The following SLC26A5 variants were observed in gnomAD, a reference collection of about 807,000 sequenced individuals.
SLC26A5 encodes prestin.
Under a neutral mutation model 81.0 loss-of-function variants are expected in SLC26A5, and 51 were observed. The ratio of observed to expected loss-of-function variants is 0.63; its 90% confidence interval spans 0.50 to 0.80. The LOEUF (loss-of-function observed/expected upper bound fraction) is 0.80. SLC26A5 is among the 30% of genes least tolerant of loss of function. SLC26A5 has a pLI of 0.00. For synonymous variants in SLC26A5, 325 were observed against 332.8 expected (o/e 0.98, Z 0.25); for missense variants, 771 against 905.8 (o/e 0.85, Z 1.91).
chr7:103,430,746 G>A (rs1075737), intron 2 of SLC26A5, among the ~76,000 whole-genome samples: 34,165 of 152,128 alleles, frequency 0.22, 4,226 homozygotes, highest in East Asian at 0.44. Flanking sequence ...GGTAGAAATC[G>A]TGCTTTGGGT....
At chr7:103,374,670 T>G in intron 19 of SLC26A5, 78 bp from the exon 20 acceptor site, 1 of 1,252,700 alleles carries the variant, frequency 8.0e-7, no homozygotes, top group Non-Finnish European at 1.1e-6. Flanking sequence ...AACACTTCCA[T>G]ATAGTGTTTT....
chr7:103,376,675 A>G (rs1247184535), intron 19 of SLC26A5, 133 bp downstream of exon 19: 1 of 703,720 alleles, frequency 1.4e-6, no homozygotes, highest in South Asian at 2.0e-5. Context: ...CTGGCTTTAG[A>G]GTGATTTTTC....
downstream of SLC26A5, among the ~76,000 whole-genome samples, chr7:103,370,860 G>A (rs150407814): frequency 6.6e-6 from 1 of 152,292 alleles, no homozygotes; most frequent in Non-Finnish European, 1.5e-5. Context: ...TTCTTTATGG[G>A]ACCTTCTTCA....
At chr7:103,385,427 T>C (rs181849066) in intron 14 of SLC26A5, among the ~76,000 whole-genome samples, 3 of 152,010 alleles carry the variant, frequency 2.0e-5, no homozygotes, top group Non-Finnish European at 4.4e-5. Context: ...CGGGCCATGA[T>C]TGTCTCTTAA....
intron 2 of SLC26A5, among the ~76,000 whole-genome samples, chr7:103,436,224 C>T (rs928342667): frequency 6.6e-6 from 1 of 151,942 alleles, no homozygotes. Flanking sequence ...TTTCTGTTAT[C>T]GTCTCAGGAA....
intron 14 of SLC26A5, among the ~76,000 whole-genome samples, chr7:103,381,219 C>T (rs1401359799): frequency 1.3e-5 from 2 of 151,414 alleles, no homozygotes; most frequent in African/African-American, 4.9e-5. Flanking sequence ...CACACATATA[C>T]ACACTCCCAC....
intron 19 of SLC26A5, chr7:103,355,694 G>T: frequency 6.2e-7 from 1 of 1,609,930 alleles, no homozygotes. Flanking sequence ...CTCTATGTAG[G>T]TATTAAAGAA....
In SLC26A5 at chr7:103,357,286, AC is replaced by A. The variant is rs367659442; in HGVS notation, c.2042-4361del. On this transcript the variant is annotated intron_variant, in intron 19 of 19. Coordinates refer to the SLC26A5 transcript ENST00000339444. ...GGTTGCAGTAAGCTGAGATTGTGCC[AC>A]TGCACTTCAGCCTGGGGTGACAGAG... 4.1e-3 allele frequency among the ~76,000 whole-genome samples: 623 copies of A among 151,502 alleles called. 1 individual carries two copies. The highest frequency in any genetic ancestry group is 0.014 in the African/African-American group (589 of 41,226).
In SLC26A5 at chr7:103,414,189, C is replaced by G. The variant is rs948959354; in HGVS notation, c.293-1077G>C. On this transcript the variant is annotated intron_variant, in intron 4 of 19. Coordinates refer to ENST00000306312, the MANE Select transcript of SLC26A5 (RefSeq NM_198999.3). ...TACTGTCTTTGAAGTTTTGCCCCCC[C>G]CTTTTTTTTTTTTTAAGACAGGGTC... Among the ~76,000 whole-genome samples the G allele has an allele frequency of 1.9e-3, 261 of 136,370 alleles. 1 individual carries two copies. The highest frequency in any genetic ancestry group is 7.1e-3 in the African/African-American group (253 of 35,582). The allele number at this position is 136,370 out of a possible 152,430, so 89.5% of individuals were successfully genotyped here.
At position 103,392,969 on chromosome 7, in the gene SLC26A5, T is replaced by C; in HGVS notation, c.1069A>G (p.Met357Val). Residue 357 changes from methionine (M) to valine (V), a missense_variant, in exon 10 of 20, where the codon ATG (methionine) becomes GTG (valine). Coordinates refer to ENST00000306312, the MANE Select transcript of SLC26A5 (RefSeq NM_198999.3). ...TGTTTATTTGCTAAGGTCTTGGCCA[T>C]GGAGATGGTCACTGAAAATCCAACG... is the stretch of plus-strand genomic sequence containing the variant. ...AIVGFSVTIS[M>V]AKTLANKHGY... 3 of 1,614,030 alleles carry C rather than the reference T, an allele frequency of 1.9e-6. No individual in the cohort carries two copies. The highest frequency in any genetic ancestry group is 1.7e-6 in the Non-Finnish European group (2 of 1,179,894).
chr7:103,394,038 A>G (rs533012043), intron 9 of SLC26A5, among the ~76,000 whole-genome samples: 5 of 152,338 alleles, frequency 3.3e-5, no homozygotes, highest in Admixed American at 3.3e-4. Flanking sequence ...GAGGTATAGC[A>G]AGGTTCAGCA....
At chr7:103,413,802 T>A (rs188676634) in intron 4 of SLC26A5, among the ~76,000 whole-genome samples, 39 of 152,260 alleles carry the variant, frequency 2.6e-4, no homozygotes, top group East Asian at 1.2e-3. Flanking sequence ...CATTTTTTTT[T>A]AAATAGAATT....
intron 7 of SLC26A5, among the ~76,000 whole-genome samples, chr7:103,409,487 T>C (rs528293996): frequency 6.6e-6 from 1 of 152,228 alleles, no homozygotes; most frequent in Non-Finnish European, 1.5e-5. Context: ...GTTTTTGATT[T>C]TTTTATTATA....
Position 103,384,662 on chromosome 7 carries a change from C to T in SLC26A5, c.1515-4113G>A, listed in dbSNP as rs142031864. On this transcript the variant is annotated intron_variant, in intron 14 of 19. Coordinates refer to ENST00000306312, the MANE Select transcript of SLC26A5 (RefSeq NM_198999.3). Reference sequence around the variant, plus strand: ...GTCAGCTTCTGGATTTGCAAAAACTCACATCTGAGTCATTGCCTCACCACT... The same window carrying T: ...GTCAGCTTCTGGATTTGCAAAAACTTACATCTGAGTCATTGCCTCACCACT... Among the ~76,000 whole-genome samples the T allele has an allele frequency of 2.6e-5, 4 of 152,188 alleles. No homozygotes were observed. In the East Asian group the frequency reaches 5.8e-4, roughly 22 times the overall value.
At position 103,405,379 on chromosome 7, in the gene SLC26A5, C is replaced by T. The variant is rs1586301134; in HGVS notation, c.888+2472G>A. ...CGGATGGGGTTTTTATGTTGACGTC[C>T]TTTCTGTTGATGTTGATGCTATTCC... On this transcript the variant is annotated intron_variant, in intron 8 of 19. Coordinates refer to ENST00000306312, the MANE Select transcript of SLC26A5 (RefSeq NM_198999.3). 5.3e-5 allele frequency among the ~76,000 whole-genome samples: 8 copies of T among 152,256 alleles called. 1 individual carries two copies. The Middle Eastern group carries it at 0.02, about 388-fold the overall frequency.
chr7:103,406,098 A>C (rs972322713), intron 8 of SLC26A5, among the ~76,000 whole-genome samples: 1 of 152,066 alleles, frequency 6.6e-6, no homozygotes, highest in African/African-American at 2.4e-5. Flanking sequence ...AAGCCAATGG[A>C]GCTTAGCTTT....
intron 7 of SLC26A5, among the ~76,000 whole-genome samples, chr7:103,409,039 A>G (rs1824278251): frequency 6.6e-6 from 1 of 152,236 alleles, no homozygotes; most frequent in East Asian, 1.9e-4. Flanking sequence ...GCCTGATTCC[A>G]TTTTTATCAG....
At chr7:103,398,079 T>G in intron 8 of SLC26A5, 65 bp from the exon 9 acceptor site, 1 of 1,211,622 alleles carries the variant, frequency 8.3e-7, no homozygotes. Context: ...AAAATCAGCT[T>G]CAAATAATAT....
chr7:103,424,108 A>G (rs902951663), intron 2 of SLC26A5, among the ~76,000 whole-genome samples: 1 of 152,172 alleles, frequency 6.6e-6, no homozygotes, highest in African/African-American at 2.4e-5. Flanking sequence ...ATGCTGCTTT[A>G]AGCCTCTGTG....
Sources: allele counts gnomAD v4.1 joint callset (sites outside exome capture counted in the v4.1 genomes callset), GRCh38; gene constraint gnomAD v4.1.1; transcripts MANE v1.5; gene names NCBI Gene and HGNC (gene_info 2026-07-23, HGNC 2026-07-21).